The following BARD1 variants were observed in gnomAD, a reference collection of about 807,000 sequenced individuals.
The protein encoded by BARD1 is BRCA1-associated RING domain protein 1.
Under a neutral mutation model 77.0 loss-of-function variants are expected in BARD1, and 73 were observed. The ratio of observed to expected loss-of-function variants is 0.95; its 90% CI spans 0.79 to 1.15. The LOEUF (loss-of-function observed/expected upper bound fraction) is 1.15, where lower values mean the gene tolerates loss of function less well. BARD1 is among the 50% of genes most tolerant of loss of function. The probability of loss-of-function intolerance (pLI) is 0.00; values close to 1 mark genes in which losing one functional copy is unlikely to be tolerated. For synonymous variants in BARD1, 384 were observed against 338.0 expected (o/e 1.14, Z -1.49); for missense variants, 993 against 938.8 (o/e 1.06, Z -0.75).
chr2:214,761,176 A>T (rs1693946617), intron 6 of BARD1, among the ~76,000 whole-genome samples: 1 of 152,118 alleles, frequency 6.6e-6, no homozygotes, highest in Non-Finnish European at 1.5e-5. Flanking sequence ...GATCTCCAAA[A>T]ATTATATAAT....
chr2:214,781,094 T>A lies in BARD1; in HGVS notation c.780A>T (p.Leu260Phe). 6.3e-7 allele frequency: 1 copy of A among 1,589,764 alleles called. No homozygotes were observed. The highest frequency in any genetic ancestry group is 8.5e-7 in the Non-Finnish European group (1 of 1,170,162). ...ATTCTGTCAAGGAGCCACTTGCTAG[T>A]AAGTCTATTTCACCATTTATCTGAG... ...SSPQINGEIDLLASGSLTESE... is the reference protein window; with the variant it reads ...SSPQINGEIDFLASGSLTESE... Residue 260 changes from leucine (L) to phenylalanine (F), a missense_variant, in exon 4 of 11, where the codon TTA becomes TTT. Leu to Phe is a conservative substitution (Grantham distance 22, BLOSUM62 0). Transcript: ENST00000260947.
chr2:214,800,222 T>C (rs748040463), intron 1 of BARD1, among the ~76,000 whole-genome samples: 7 of 152,216 alleles, frequency 4.6e-5, no homozygotes, highest in South Asian at 2.1e-4. Flanking sequence ...GTGGGAATAA[T>C]TGATCAGTTG....
chr2:214,783,924 A>C (rs1199379147), intron 3 of BARD1, among the ~76,000 whole-genome samples: 1 of 152,200 alleles, frequency 6.6e-6, no homozygotes, highest in African/African-American at 2.4e-5. Context: ...TGCTAGAAGA[A>C]AATCTAGGCA....
chr2:214,775,672 T>C (rs7593780), intron 4 of BARD1, among the ~76,000 whole-genome samples: 98,155 of 152,022 alleles, frequency 0.65, 32,066 homozygotes, highest in Middle Eastern at 0.69. Flanking sequence ...CTGCGAAGCA[T>C]AAAAAAGTGA....
chr2:214,794,297 G>C (rs116172384), intron 2 of BARD1, among the ~76,000 whole-genome samples: 6,850 of 152,138 alleles, frequency 0.045, 163 homozygotes, highest in Non-Finnish European at 0.054. Context: ...TTTTGGTGTA[G>C]TATTAAAGAA....
intron 6 of BARD1, among the ~76,000 whole-genome samples, chr2:214,762,924 C>G (rs74784151): frequency 0.015 from 2,150 of 142,798 alleles, 12 homozygotes; most frequent in Middle Eastern, 0.032. Flanking sequence ...TGATTTGACT[C>G]TCATCACTCC....
At chr2:214,773,893 C>T (rs114986191) in intron 4 of BARD1, among the ~76,000 whole-genome samples, 7,981 of 152,236 alleles carry the variant, frequency 0.052, 231 homozygotes, top group Admixed American at 0.083. Context: ...AGAACTTCTC[C>T]CAAGATTGGA....
At position 214,747,968 on chromosome 2, in the gene BARD1, C is replaced by A. The variant is rs114548245; in HGVS notation, c.1678-2114G>T. On this transcript the variant is annotated intron_variant, in intron 7 of 10. Transcript: ENST00000260947. ...TCTTTGATAATATTTAAAAACACTA[C>A]AGTATTTCAAAAATTCTTAAGTTAC... is the stretch of plus-strand genomic sequence containing the variant. Among the ~76,000 whole-genome samples, 465 of 152,010 alleles carry A rather than the reference C, an allele frequency of 3.1e-3. 1 individual carries two copies. The highest frequency in any genetic ancestry group is 0.01 in the African/African-American group (425 of 41,518).
At chr2:214,785,447 T>C (rs1695227936) in intron 3 of BARD1, among the ~76,000 whole-genome samples, 2 of 151,990 alleles carry the variant, frequency 1.3e-5, no homozygotes, top group Non-Finnish European at 2.9e-5. Context: ...CCCAGCACAG[T>C]GGTGAGCACA....
intron 9 of BARD1, among the ~76,000 whole-genome samples, chr2:214,735,797 A>G (rs1251715947): frequency 1.3e-5 from 2 of 152,204 alleles, no homozygotes; most frequent in African/African-American, 2.4e-5. Flanking sequence ...TAAAAAGGTC[A>G]GAAGACTAAC....
chr2:214,771,592 G>A (rs1021981987), intron 4 of BARD1, among the ~76,000 whole-genome samples: 2 of 151,882 alleles, frequency 1.3e-5, no homozygotes, highest in African/African-American at 4.8e-5. Flanking sequence ...GCCAGGCATG[G>A]TGGTACACGC....
chr2:214,745,283 T>TA (rs1290941134), intron 8 of BARD1, 124 bp from the exon 9 acceptor site: 26 of 803,814 alleles, frequency 3.2e-5, no homozygotes, highest in Non-Finnish European at 4.6e-5. Flanking sequence ...CAACAATTTT[T>TA]ACACTTAAGT....
At position 214,769,303 on chromosome 2, in the gene BARD1, G is replaced by A. The variant is rs1403432043; in HGVS notation, c.1324C>T (p.Pro442Ser). 1.9e-6 allele frequency: 3 copies of A among 1,612,852 alleles called. No homozygotes were observed. The highest frequency in any genetic ancestry group is 2.5e-6 in the Non-Finnish European group (3 of 1,178,928). ...LHIASIKGDIPSVEYLLQNGS... is the reference protein window; with the variant it reads ...LHIASIKGDISSVEYLLQNGS... ...TTTTGTAAAAGGTATTCAACAGAAGGTATGTCGCCCTAGAAAAATGAACAA... is the reference window on the plus strand; with the variant it reads ...TTTTGTAAAAGGTATTCAACAGAAGATATGTCGCCCTAGAAAAATGAACAA... The change falls in exon 5 of 11, where the codon CCT becomes TCT. Residue 442 changes from proline to serine, a missense_variant. Coordinates refer to ENST00000260947, the MANE Select transcript of BARD1 (RefSeq NM_000465.4).
chr2:214,746,847 T>A (rs1256806894), intron 7 of BARD1, among the ~76,000 whole-genome samples: 1 of 151,892 alleles, frequency 6.6e-6, no homozygotes, highest in Non-Finnish European at 1.5e-5. Flanking sequence ...AAGCCAAAAT[T>A]GACAAATGGG....
rs1443031799 is a variant in BARD1, at chr2:214,728,825, C to T, written c.2185G>A (p.Asp729Asn). ...ATATACTGTGTGCAGAAGCGCTGAT[C>T]AGAATCGGGTCTCGCATGGTATGCG... Reference protein sequence around the residue: ...TVAYHARPDSDQRFCTQYIIY... With the variant: ...TVAYHARPDSNQRFCTQYIIY... Residue 729 changes from aspartate (D) to asparagine (N), a missense_variant, in exon 11 of 11, where the codon GAT becomes AAT. Coordinates refer to ENST00000260947, the MANE Select transcript of BARD1 (RefSeq NM_000465.4). 2 of 1,614,186 alleles carry T rather than the reference C, an allele frequency of 1.2e-6. No homozygotes were observed. Among genetic ancestry groups the T allele is most frequent in the East Asian group, 4.5e-5 (2 of 44,870 alleles).
chr2:214,804,763 T>C (rs956402497), intron 1 of BARD1, among the ~76,000 whole-genome samples: 1 of 152,222 alleles, frequency 6.6e-6, no homozygotes, highest in Non-Finnish European at 1.5e-5. Context: ...TAACTCTCTG[T>C]TCACCTGACC....
chr2:214,792,233 T>C, intron 3 of BARD1, 64 bp downstream of exon 3: 1 of 1,470,860 alleles, frequency 6.8e-7, no homozygotes, highest in Non-Finnish European at 9.5e-7. Flanking sequence ...ATATACTTTA[T>C]GAATATGAAT....
chr2:214,791,188 A>C (rs1327595285), intron 3 of BARD1, among the ~76,000 whole-genome samples: 1 of 152,212 alleles, frequency 6.6e-6, no homozygotes, highest in African/African-American at 2.4e-5. Flanking sequence ...GGAGTTGAAT[A>C]CAATGACGCA....
intron 2 of BARD1, among the ~76,000 whole-genome samples, chr2:214,794,087 A>T (rs1381838073): frequency 2.2e-4 from 33 of 152,010 alleles, no homozygotes. Context: ...CCTTGTCTCT[A>T]CAAAAAACTA....
Sources: gnomAD v4.1 joint callset for allele counts (sites outside exome capture counted in the v4.1 genomes callset) on GRCh38, gnomAD v4.1.1 for gene constraint, MANE v1.5 for transcripts, NCBI Gene and HGNC (gene_info 2026-07-23, HGNC 2026-07-21) for gene names.